NR1I2: variants seen among roughly 807,000 people sequenced by gnomAD.
The protein encoded by NR1I2 is orphan nuclear receptor PAR1.
NR1I2 carries 42 observed loss-of-function variants against 43.3 expected under a neutral mutation model. The ratio of observed to expected loss-of-function variants is 0.97; its 90% CI spans 0.76 to 1.26. The LOEUF is 1.26. NR1I2 is among the 50% of genes most tolerant of loss of function. NR1I2 has a pLI of 0.00. For synonymous variants in NR1I2, 229 were observed against 215.0 expected, an observed-to-expected ratio of 1.06 and a Z score of -0.57; for missense variants, 559 against 566.7, an observed-to-expected ratio of 0.99 and a Z score of 0.14.
intron 1 of NR1I2, among the ~76,000 whole-genome samples, chr3:119,789,429 A>G (rs936915789): frequency 2.0e-5 from 3 of 152,204 alleles, no homozygotes; most frequent in Non-Finnish European, 4.4e-5. Flanking sequence ...GTGTCAGGCA[A>G]GAGAGAGAAT....
chr3:119,790,655 C>T (rs116542553), intron 1 of NR1I2, among the ~76,000 whole-genome samples: 266 of 152,228 alleles, frequency 1.7e-3, no homozygotes, highest in African/African-American at 6.0e-3. Context: ...TTATGATTAA[C>T]GATGTTGAGT....
rs2055262822 is a variant in NR1I2, at chr3:119,812,783, T to C, written c.617T>C (p.Leu206Pro). The C allele has an allele frequency of 3.1e-6, 5 of 1,614,094 alleles. No homozygotes were observed. The highest frequency in any genetic ancestry group is 1.3e-5 in the African/African-American group (1 of 74,934). The change falls in exon 5 of 9, where the codon CTG (leucine) becomes CCG (proline). Residue 206 changes from leucine (L) to proline (P), a missense_variant. Around this residue, in one of 3 missense-constraint regions of NR1I2, gnomAD observed 323 missense variants for 312.2 expected, o/e 1.03. Transcript: ENST00000393716. Reference sequence around the variant, plus strand: ...AAGTGGAGCCAGGTCCGGAAAGATCTGTGCTCTTTGAAGGTCTCTCTGCAG... The same window carrying C: ...AAGTGGAGCCAGGTCCGGAAAGATCCGTGCTCTTTGAAGGTCTCTCTGCAG...
intron 1 of NR1I2, among the ~76,000 whole-genome samples, chr3:119,804,416 T>C (rs1357307474): frequency 2.0e-5 from 3 of 149,734 alleles, no homozygotes; most frequent in African/African-American, 4.9e-5. Flanking sequence ...TTAATATATT[T>C]ACATTTAACT....
chr3:119,817,491 C>A lies in NR1I2; in HGVS notation c.*279C>A. The A allele has an allele frequency of 7.7e-7, 1 of 1,306,684 alleles. No individual in the cohort carries two copies. The highest frequency in any genetic ancestry group is 3.2e-5 in the Admixed American group (1 of 30,978). The allele number at this position is 1,306,684 out of a possible 1,614,324, so 80.9% of individuals were successfully genotyped here. A position where few individuals can be genotyped will look rare whatever the true frequency, so the allele number is the denominator to read the frequency against. ...GGACCATCAGAGAGGCAAGGTTGCC[C>A]TTTCCTTTTAAAAGGCCCTGTGGTC... On this transcript the variant is annotated 3_prime_UTR_variant, in exon 9 of 9. Coordinates refer to ENST00000393716, the MANE Select transcript of NR1I2 (RefSeq NM_003889.4).
chr3:119,792,891 CAAAAA>C (rs769890802), intron 1 of NR1I2, among the ~76,000 whole-genome samples: 1 of 150,156 alleles, frequency 6.7e-6, no homozygotes, highest in Non-Finnish European at 1.5e-5. Flanking sequence ...AAAAAACAAA[CAAAAA>C]AAAAGAAACG....
At chr3:119,793,985 A>G (rs6773295) in intron 1 of NR1I2, among the ~76,000 whole-genome samples, 8,129 of 152,228 alleles carry the variant, frequency 0.053, 333 homozygotes, top group African/African-American at 0.12. Flanking sequence ...TCTTCGGTAC[A>G]TAATTTTGTA....
At position 119,815,516 on chromosome 3, in the gene NR1I2, C is replaced by T. The variant is rs2055313115; in HGVS notation, c.1054+77C>T. ...CCCCAGGGAAGGTCCCAGTCTATGG[C>T]CTTGCTCCTCATTCACTGCGCAGCC... On this transcript the variant is annotated intron_variant, in intron 7 of 8. Transcript: ENST00000393716. The T allele has an allele frequency of 6.3e-6, 8 of 1,279,484 alleles. No individual in the cohort carries two copies. In the South Asian group the frequency reaches 9.5e-5, roughly 15 times the overall value. 79.3% of individuals were successfully genotyped at this position (1,279,484 alleles called of 1,614,324 possible). A position where few individuals can be genotyped will look rare whatever the true frequency, so the allele number is the denominator to read the frequency against.
At chr3:119,816,165 A>G (rs1162436009) in intron 8 of NR1I2, among the ~76,000 whole-genome samples, 2 of 152,222 alleles carry the variant, frequency 1.3e-5, no homozygotes, top group Non-Finnish European at 2.9e-5. Flanking sequence ...ACTGAGTATT[A>G]TAGTGTGAAC....
chr3:119,790,888 G>C (rs1021592675), intron 1 of NR1I2, among the ~76,000 whole-genome samples: 1 of 152,128 alleles, frequency 6.6e-6, no homozygotes, highest in African/African-American at 2.4e-5. Flanking sequence ...TCAATGGGCT[G>C]TCCTCAGGGT....
intron 2 of NR1I2, 135 bp from the exon 3 acceptor site, chr3:119,809,926 C>A: frequency 1.7e-6 from 2 of 1,162,270 alleles, no homozygotes; most frequent in Non-Finnish European, 2.5e-6. Context: ...AAGCCTGACC[C>A]AGCTGGGACG....
At chr3:119,793,609 T>G (rs1455848959) in intron 1 of NR1I2, among the ~76,000 whole-genome samples, 2 of 152,202 alleles carry the variant, frequency 1.3e-5, no homozygotes, top group Non-Finnish European at 2.9e-5. Context: ...ACATTACGTC[T>G]CTTTCTCTGA....
At chr3:119,788,365 GC>G (rs1290162208) in intron 1 of NR1I2, among the ~76,000 whole-genome samples, 1 of 152,184 alleles carries the variant, frequency 6.6e-6, no homozygotes. Flanking sequence ...TGATCCTCCT[GC>G]CTCAGCCCCC....
chr3:119,816,952 G>T, intron 8 of NR1I2, 116 bp from the exon 9 acceptor site: 1 of 1,370,328 alleles, frequency 7.3e-7, no homozygotes, highest in Non-Finnish European at 1.0e-6. Context: ...GCCAAGCCTT[G>T]TCTCTTGGCT....
intron 7 of NR1I2, 91 bp from the exon 8 acceptor site, chr3:119,815,635 G>T: frequency 8.3e-7 from 1 of 1,210,716 alleles, no homozygotes; most frequent in East Asian, 2.5e-5. Flanking sequence ...CTCCAGCTCT[G>T]GAGGGTGGTT....
intron 1 of NR1I2, among the ~76,000 whole-genome samples, chr3:119,795,570 C>G (rs1473712816): frequency 6.6e-6 from 1 of 152,294 alleles, no homozygotes; most frequent in African/African-American, 2.4e-5. Flanking sequence ...TTCCTCATCT[C>G]CTAATGCTGC....
rs1577288812 is a variant in NR1I2, at chr3:119,817,220, C to T, written c.*8C>T. 1.2e-6 allele frequency: 2 copies of T among 1,613,672 alleles called. No homozygotes were observed. The highest frequency in any genetic ancestry group is 1.7e-6 in the Non-Finnish European group (2 of 1,180,006). On this transcript the variant is annotated 3_prime_UTR_variant, in exon 9 of 9. Transcript: ENST00000393716. ...GGCATCACAGGTAGCTGAGCGGCTG[C>T]CCTTGGGTGACACCTCCGAGAGGCA... is the stretch of plus-strand genomic sequence containing the variant.
intron 1 of NR1I2, chr3:119,792,589 G>C (rs754888932): frequency 1.4e-6 from 1 of 691,782 alleles, no homozygotes; most frequent in Non-Finnish European, 2.6e-6. Context: ...GGGCCAACTA[G>C]GCCACAGCCC....
chr3:119,782,956 A>C, intron 1 of NR1I2: 1 of 914,778 alleles, frequency 1.1e-6, no homozygotes, highest in South Asian at 1.4e-5. Flanking sequence ...TCCACTTTAC[A>C]GCCCAGCTCG....
chr3:119,797,184 A>ATGTGTGTG (rs1401966538), intron 1 of NR1I2, among the ~76,000 whole-genome samples: 38 of 25,004 alleles, frequency 1.5e-3, no homozygotes, highest in African/African-American at 3.7e-3. Context: ...CTGCACAAAG[A>ATGTGTGTG]TATGTGTGTG....
Sources: gnomAD v4.1 joint callset for allele counts (sites outside exome capture counted in the v4.1 genomes callset) on GRCh38, gnomAD v4.1.1 for gene constraint, gnomAD v4.1.1 regional missense constraint, MANE v1.5 for transcripts, NCBI Gene and HGNC (gene_info 2026-07-23, HGNC 2026-07-21) for gene names.